The following CFB variants were observed in gnomAD, a reference collection of about 807,000 sequenced individuals.
CFB encodes the protein complement factor B.
CFB carries 59 observed loss-of-function variants against 97.2 expected under a neutral mutation model. The observed-to-expected ratio is 0.61, with a 90% confidence interval of 0.49 to 0.75. CFB has a LOEUF of 0.75. Among genes scored for constraint, CFB ranks in the 30% least tolerant of loss-of-function variants. The probability of loss-of-function intolerance (pLI) is 0.00; values close to 1 mark genes in which losing one functional copy is unlikely to be tolerated. For missense variants in CFB, 771 were observed against 959.8 expected (o/e 0.80, Z 2.60); for synonymous variants, 316 against 351.7 (o/e 0.90, Z 1.14).
At position 31,950,964 on chromosome 6, in the gene CFB, A is replaced by G. The variant is rs774907821; in HGVS notation, c.1855+20A>G. ...AACAAAGTAAGACATACTTGGCAAG[A>G]GGATAAGGATGAGATCCCAAGAGAC... On this transcript the variant is annotated intron_variant, in intron 14 of 17. Transcript: ENST00000425368. The G allele has an allele frequency of 6.2e-7, 1 of 1,612,122 alleles. No individual in the cohort carries two copies. The highest frequency in any genetic ancestry group is 8.5e-7 in the Non-Finnish European group (1 of 1,179,402).
Position 31,948,471 on chromosome 6 carries a change from C to A in CFB, c.995C>A (p.Ala332Glu). Reference sequence around the variant, plus strand: ...GTGTCTGAAGCAGACAGCAGTAATGCAGACTGGGTCACGAAGCAGCTCAAT... The same window carrying A: ...GTGTCTGAAGCAGACAGCAGTAATGAAGACTGGGTCACGAAGCAGCTCAAT... Reference protein sequence around the residue: ...VKVSEADSSNADWVTKQLNEI... With the variant: ...VKVSEADSSNEDWVTKQLNEI... Residue 332 changes from alanine to glutamate, a missense_variant, in exon 7 of 18, where the codon GCA becomes GAA. Coordinates refer to ENST00000425368, the MANE Select transcript of CFB (RefSeq NM_001710.6). The A allele has an allele frequency of 6.2e-7, 1 of 1,614,218 alleles. No individual in the cohort carries two copies. The highest frequency in any genetic ancestry group is 8.5e-7 in the Non-Finnish European group (1 of 1,180,046).
Position 31,948,357 on chromosome 6 carries a change from G to T in CFB, c.898-17G>T, listed in dbSNP as rs1771564205. Reference sequence around the variant, plus strand: ...TCTATTTTCAATGCCATGGCGCCTTGTTCTCCTCACCCACAGGTGGCAAGT... The same window carrying T: ...TCTATTTTCAATGCCATGGCGCCTTTTTCTCCTCACCCACAGGTGGCAAGT... On this transcript the variant is annotated splice_polypyrimidine_tract_variant and intron_variant, in intron 6 of 17. Transcript: ENST00000425368. The T allele has an allele frequency of 1.2e-6, 2 of 1,614,182 alleles. No individual in the cohort carries two copies. The highest frequency in any genetic ancestry group is 2.7e-5 in the African/African-American group (2 of 75,026).
intron 7 of CFB, 136 bp downstream of exon 7, chr6:31,948,648 A>G (rs893687035): frequency 5.3e-6 from 8 of 1,514,714 alleles, no homozygotes; most frequent in Middle Eastern, 1.9e-4. Context: ...TCGTTGGGCA[A>G]TGGAGGTTAG....
At position 31,947,794 on chromosome 6, in the gene CFB, C is replaced by G. The variant is rs1771532124; in HGVS notation, c.711C>G (p.Ser237=). 1 of 1,613,472 alleles carries G rather than the reference C, an allele frequency of 6.2e-7. No individual in the cohort carries two copies. Residue 237 remains serine (S), a synonymous_variant, in exon 5 of 18, where the codon TCC becomes TCG. Transcript: ENST00000425368. The surrounding 1 kb of genome is among the most constrained non-coding windows in gnomAD (Gnocchi z 5.3). ...PQEVAEAFLS[S]LTETIEGVDA... ...AGGTGGCCGAAGCTTTCCTGTCTTCCCTGACAGAGACCATAGAAGGAGTCG... is the reference window on the plus strand; with the variant it reads ...AGGTGGCCGAAGCTTTCCTGTCTTCGCTGACAGAGACCATAGAAGGAGTCG...
At chr6:31,950,217 G>A in intron 11 of CFB, 69 bp from the exon 12 acceptor site, 1 of 1,605,624 alleles carries the variant, frequency 6.2e-7, no homozygotes. Context: ...GTAGGGGAAG[G>A]AAAAAATGGC....
In CFB at chr6:31,948,433, A is replaced by T. The variant is rs534739758; in HGVS notation, c.957A>T (p.Lys319Asn). 4.3e-6 allele frequency: 7 copies of T among 1,614,164 alleles called. No homozygotes were observed. The East Asian group carries it at 1.6e-4, about 36-fold the overall frequency. Residue 319 changes from lysine (K) to asparagine (N), a missense_variant, in exon 7 of 18, where the codon AAA becomes AAT. Transcript: ENST00000425368. ...TAGTGACATATGCCACATACCCCAA[A>T]ATTTGGGTCAAAGTGTCTGAAGCAG... ...YGLVTYATYP[K>N]IWVKVSEADS...
At position 31,949,530 on chromosome 6, in the gene CFB, C is replaced by G. The variant is rs1420878323; in HGVS notation, c.1381C>G (p.Leu461Val). The change falls in exon 10 of 18, where the codon CTG (leucine) becomes GTG (valine). Residue 461 changes from leucine (L) to valine (V), a missense_variant. Physicochemically the swap from Leu to Val is conservative, Grantham distance 32. Transcript: ENST00000425368. ...GTTCAAAGTCAAGGATATGGAAAAC[C>G]TGGAAGATGTTTTCTACCAAATGAT... ...HVFKVKDMEN[L>V]EDVFYQMIDE... 1 of 1,613,314 alleles carries G rather than the reference C, an allele frequency of 6.2e-7. No individual in the cohort carries two copies. The highest frequency in any genetic ancestry group is 8.5e-7 in the Non-Finnish European group (1 of 1,180,042).
At chr6:31,950,254 T>C in intron 11 of CFB, 32 bp from the exon 12 acceptor site, 1 of 1,607,762 alleles carries the variant, frequency 6.2e-7, no homozygotes, top group Non-Finnish European at 8.5e-7. Context: ...TTGTGAAAGT[T>C]GAGCTTTCCC....
Position 31,951,428 on chromosome 6 carries a change from T to C in CFB, c.2044T>C (p.Cys682Arg). The change falls in exon 16 of 18, where the codon TGT (cysteine) becomes CGT (arginine). Residue 682 changes from cysteine (C) to arginine (R), a missense_variant. Cys to Arg is a radical substitution (Grantham distance 180, BLOSUM62 -3). Transcript: ENST00000425368. This position sits in a 1 kb window ranked among gnomAD's most constrained non-coding sequence, Gnocchi z 4.3. Reference sequence around the variant, plus strand: ...AGAGGTGGTCACCCCTCGGTTCCTTTGTACTGGAGGAGTGAGTCCCTATGC... The same window carrying C: ...AGAGGTGGTCACCCCTCGGTTCCTTCGTACTGGAGGAGTGAGTCCCTATGC... ...ISEVVTPRFL[C>R]TGGVSPYADP... 1.2e-6 allele frequency: 2 copies of C among 1,614,148 alleles called. No individual in the cohort carries two copies. The highest frequency in any genetic ancestry group is 1.7e-6 in the Non-Finnish European group (2 of 1,180,002).
Position 31,951,711 on chromosome 6 carries a change from C to A in CFB, c.2139+107C>A. The A allele has an allele frequency of 6.4e-7, 1 of 1,573,120 alleles. No homozygotes were observed. The highest frequency in any genetic ancestry group is 8.7e-7 in the Non-Finnish European group (1 of 1,143,072). On this transcript the variant is annotated intron_variant, in intron 17 of 17. Transcript: ENST00000425368. This position sits in a 1 kb window ranked among gnomAD's most constrained non-coding sequence, Gnocchi z 4.3. The stretch of plus-strand genomic sequence containing the variant: ...AGTAATTCGAGGTAGGCAGAGCCTG[C>A]CTCACCTTAGGACCGCATGTCTTGC...
chr6:31,946,956 T>A lies in CFB; in HGVS notation c.299-51T>A. On this transcript the variant is annotated intron_variant, in intron 2 of 17. Coordinates refer to ENST00000425368, the MANE Select transcript of CFB (RefSeq NM_001710.6). The surrounding 1 kb of genome is among the most constrained non-coding windows in gnomAD (Gnocchi z 6.4). The stretch of plus-strand genomic sequence containing the variant: ...TCTCCGAGACCAGGAGGGATACACC[T>A]AAGGCAGCCTTTCCCTCTTGATGAC... The A allele has an allele frequency of 1.9e-6, 3 of 1,592,018 alleles. No homozygotes were observed. The highest frequency in any genetic ancestry group is 2.6e-6 in the Non-Finnish European group (3 of 1,160,964).
In CFB at chr6:31,947,220, G is replaced by T. The variant is rs768736347; in HGVS notation, c.484+28G>T. 5 of 1,612,278 alleles carry T rather than the reference G, an allele frequency of 3.1e-6. No individual in the cohort carries two copies. In the South Asian group the frequency reaches 5.5e-5, roughly 18 times the overall value. Reference sequence around the variant, plus strand: ...GAGAAGCATCCCCTCCCCCTACATTGCTGTCTCCCTGACGGCGCCCAGCCC... The same window carrying T: ...GAGAAGCATCCCCTCCCCCTACATTTCTGTCTCCCTGACGGCGCCCAGCCC... On this transcript the variant is annotated intron_variant, in intron 3 of 17. Coordinates refer to ENST00000425368, the MANE Select transcript of CFB (RefSeq NM_001710.6). This position sits in a 1 kb window ranked among gnomAD's most constrained non-coding sequence, Gnocchi z 5.3.
chr6:31,948,203 C>T, intron 6 of CFB, 122 bp downstream of exon 6: 1 of 1,500,576 alleles, frequency 6.7e-7, no homozygotes, highest in Non-Finnish European at 9.1e-7. Context: ...AGGTCCTATT[C>T]TGTCCTCCTT....
Position 31,950,672 on chromosome 6 carries a change from A to G in CFB, c.1678A>G (p.Asn560Asp). The G allele has an allele frequency of 6.2e-7, 1 of 1,613,092 alleles. No individual in the cohort carries two copies. ...AGTAGTCCTATTTCACCCCAACTAC[A>G]ACATTAATGGGAAAAAAGAAGCAGG... is the stretch of plus-strand genomic sequence containing the variant. The part of the protein sequence containing the change: ...IEVVLFHPNY[N>D]INGKKEAGIP... Residue 560 changes from asparagine to aspartate, a missense_variant, in exon 13 of 18, where the codon AAC (asparagine) becomes GAC (aspartate). Asn to Asp is a conservative substitution (Grantham distance 23). Coordinates refer to ENST00000425368, the MANE Select transcript of CFB (RefSeq NM_001710.6).
At position 31,948,929 on chromosome 6, in the gene CFB, G is replaced by A. The variant is rs376239039; in HGVS notation, c.1136G>A (p.Arg379His). 22 of 1,612,190 alleles carry A rather than the reference G, an allele frequency of 1.4e-5. No individual in the cohort carries two copies. Among genetic ancestry groups the A allele is most frequent in the African/African-American group, 2.7e-5 (2 of 74,792 alleles). ...PDDVPPEGWNRTRHVIILMTD... is the reference protein window; with the variant it reads ...PDDVPPEGWNHTRHVIILMTD... Reference sequence around the variant, plus strand: ...GACGTCCCTCCTGAAGGCTGGAACCGCACCCGCCATGTCATCATCCTCATG... The same window carrying A: ...GACGTCCCTCCTGAAGGCTGGAACCACACCCGCCATGTCATCATCCTCATG... Residue 379 changes from arginine (R) to histidine (H), a missense_variant, in exon 8 of 18, where the codon CGC (arginine) becomes CAC (histidine). Transcript: ENST00000425368.
rs559907014 is a variant in CFB, at chr6:31,946,661, AG to A, written c.298+56del. 83 of 1,506,656 alleles carry A rather than the reference AG, an allele frequency of 5.5e-5. No individual in the cohort carries two copies. In the African/African-American group the frequency reaches 9.0e-4, roughly 16 times the overall value. The allele number at this position is 1,506,656 out of a possible 1,614,324, so 93.3% of individuals were successfully genotyped here. ...CTAAGGCAGAAACAGGGCAGGCGGC[AG>A]CAAGGTCAGGACTAGGATGAGACTA... On this transcript the variant is annotated intron_variant, in intron 2 of 17. Coordinates refer to ENST00000425368, the MANE Select transcript of CFB (RefSeq NM_001710.6). The surrounding 1 kb of genome is among the most constrained non-coding windows in gnomAD (Gnocchi z 6.4).
chr6:31,951,320 T>C lies in CFB; in HGVS notation c.1957-21T>C. On this transcript the variant is annotated intron_variant, in intron 15 of 17. Transcript: ENST00000425368. The surrounding 1 kb of genome is among the most constrained non-coding windows in gnomAD (Gnocchi z 4.3). ...GCCACTTCTGTTCATTACTTCTCCATGCTTCCCACCTCCCCTACAGAAAGG... is the reference window on the plus strand; with the variant it reads ...GCCACTTCTGTTCATTACTTCTCCACGCTTCCCACCTCCCCTACAGAAAGG... The C allele has an allele frequency of 1.9e-6, 3 of 1,614,078 alleles. No homozygotes were observed. Among genetic ancestry groups the C allele is most frequent in the Non-Finnish European group, 2.5e-6 (3 of 1,180,012 alleles).
In CFB at chr6:31,948,875, C is replaced by A; in HGVS notation, c.1082C>A (p.Ala361Glu). 1.9e-6 allele frequency: 3 copies of A among 1,612,974 alleles called. 1 individual carries two copies. Among genetic ancestry groups the A allele is most frequent in the Non-Finnish European group, 2.5e-6 (3 of 1,180,004 alleles). Residue 361 changes from alanine to glutamate, a missense_variant, in exon 8 of 18, where the codon GCA becomes GAA. Transcript: ENST00000425368. Reference protein sequence around the residue: ...SGTNTKKALQAVYSMMSWPDD... With the variant: ...SGTNTKKALQEVYSMMSWPDD... ...ACTAACACCAAGAAGGCCCTCCAGG[C>A]AGTGTACAGCATGATGAGCTGGCCA...
In CFB at chr6:31,950,703, C is replaced by G. The variant is rs1771707725; in HGVS notation, c.1709C>G (p.Pro570Arg). 1 of 1,613,044 alleles carries G rather than the reference C, an allele frequency of 6.2e-7. No individual in the cohort carries two copies. Among genetic ancestry groups the G allele is most frequent in the South Asian group, 1.1e-5 (1 of 91,082 alleles). The change falls in exon 13 of 18, where the codon CCT becomes CGT. Residue 570 changes from proline to arginine, a missense_variant. Coordinates refer to ENST00000425368, the MANE Select transcript of CFB (RefSeq NM_001710.6). Reference sequence around the variant, plus strand: ...AATGGGAAAAAAGAAGCAGGAATTCCTGAATTTTATGACTATGACGTTGCC... The same window carrying G: ...AATGGGAAAAAAGAAGCAGGAATTCGTGAATTTTATGACTATGACGTTGCC... ...NINGKKEAGI[P>R]EFYDYDVALI...
Sources: gnomAD v4.1 joint callset for allele counts on GRCh38, gnomAD v4.1.1 for gene constraint, Gnocchi (gnomAD v3.1) non-coding constraint, MANE v1.5 for transcripts, NCBI Gene and HGNC (gene_info 2026-07-23, HGNC 2026-07-21) for gene names.